RAD23A: variants seen among roughly 807,000 people sequenced by gnomAD.
The protein encoded by RAD23A is RAD23 nucleotide excision repair protein A, also known as lysine-specific demethylase RAD23A.
A neutral mutation model predicts 44.8 loss-of-function variants in RAD23A; 16 were observed. That is an observed-to-expected ratio of 0.36 (90% CI 0.24 to 0.54). The LOEUF (loss-of-function observed/expected upper bound fraction) is 0.54. RAD23A is among the 20% of genes least tolerant of loss of function. RAD23A has a pLI of 0.89. For missense variants in RAD23A, 380 were observed against 483.3 expected (o/e 0.79, Z 2.00); for synonymous variants, 217 against 202.9 (o/e 1.07, Z -0.59).
chr19:12,949,339 T>G lies in RAD23A; in HGVS notation c.744T>G (p.Ile248Met). The G allele has an allele frequency of 1.9e-6, 3 of 1,614,120 alleles. No individual in the cohort carries two copies. Among genetic ancestry groups the G allele is most frequent in the Non-Finnish European group, 2.5e-6 (3 of 1,179,986 alleles). The change falls in exon 7 of 9, where the codon ATT (isoleucine) becomes ATG (methionine). Residue 248 changes from isoleucine to methionine, a missense_variant. Transcript: ENST00000586534. ...AGTTCCAGAACATGCGGCAGGTGATTCAGCAGAACCCTGCGCTGCTGCCCG... is the reference window on the plus strand; with the variant it reads ...AGTTCCAGAACATGCGGCAGGTGATGCAGCAGAACCCTGCGCTGCTGCCCG... Reference protein sequence around the residue: ...QPQFQNMRQVIQQNPALLPAL... With the variant: ...QPQFQNMRQVMQQNPALLPAL...
chr19:12,947,033 C>G (rs1202239454), intron 1 of RAD23A, among the ~76,000 whole-genome samples: 1 of 152,020 alleles, frequency 6.6e-6, no homozygotes, highest in Admixed American at 6.6e-5. Flanking sequence ...AGACCCCGTT[C>G]TCTACAAAAA....
In RAD23A at chr19:12,948,114, C is replaced by G; in HGVS notation, c.235-63C>G. 3.1e-6 allele frequency: 5 copies of G among 1,609,028 alleles called. No homozygotes were observed. Among genetic ancestry groups the G allele is most frequent in the Non-Finnish European group, 4.3e-6 (5 of 1,176,464 alleles). ...AGCTGTGAACAGGGCGGGGCCACAGCGGAGCGGGTTGTTGGGTCTGATAGG... is the reference window on the plus strand; with the variant it reads ...AGCTGTGAACAGGGCGGGGCCACAGGGGAGCGGGTTGTTGGGTCTGATAGG... On this transcript the variant is annotated intron_variant, in intron 2 of 8. Coordinates refer to ENST00000586534, the MANE Select transcript of RAD23A (RefSeq NM_005053.4). The surrounding 1 kb of genome is among the most constrained non-coding windows in gnomAD (Gnocchi z 5.5).
intron 7 of RAD23A, among the ~76,000 whole-genome samples, chr19:12,950,192 C>T (rs1971771198): frequency 6.6e-6 from 1 of 152,070 alleles, no homozygotes; most frequent in Admixed American, 6.5e-5. Flanking sequence ...AACAGACCTC[C>T]CCAGTCCTCC....
At chr19:12,947,694 A>G (rs1188331777) in intron 1 of RAD23A, among the ~76,000 whole-genome samples, 154 bp from the exon 2 acceptor site, 1 of 152,218 alleles carries the variant, frequency 6.6e-6, no homozygotes, top group African/African-American at 2.4e-5. Context: ...TGATTGAATG[A>G]ATTCAAATCT....
At chr19:12,949,216 C>T in intron 6 of RAD23A, 57 bp downstream of exon 6, 1 of 1,614,028 alleles carries the variant, frequency 6.2e-7, no homozygotes, top group Non-Finnish European at 8.5e-7. Context: ...TTACACTCCA[C>T]CCCGCAGTGC....
intron 7 of RAD23A, 120 bp from the exon 8 acceptor site, chr19:12,952,569 C>A: frequency 1.7e-6 from 2 of 1,193,320 alleles, no homozygotes; most frequent in Non-Finnish European, 2.3e-6. Context: ...TTGTGTTTGG[C>A]CAGAACAGGC....
In RAD23A at chr19:12,948,513, G is replaced by C; in HGVS notation, c.433G>C (p.Gly145Arg). 1 of 1,594,396 alleles carries C rather than the reference G, an allele frequency of 6.3e-7. No homozygotes were observed. ...ESVSGSVPSSGSSGREEDAAS... is the reference protein window; with the variant it reads ...ESVSGSVPSSRSSGREEDAAS... ...AATTTGCAGCTCTGTTCCCTCTTCA[G>C]GTAGCAGCGGGCGAGAGGAAGACGC... Residue 145 changes from glycine to arginine, a missense_variant, in exon 4 of 9, where the codon GGT (glycine) becomes CGT (arginine). Around this residue, in one of 3 missense-constraint regions of RAD23A, gnomAD observed 279 missense variants for 313.7 expected, o/e 0.89. Transcript: ENST00000586534. This position sits in a 1 kb window ranked among gnomAD's most constrained non-coding sequence, Gnocchi z 5.5.
At position 12,947,960 on chromosome 19, in the gene RAD23A, G is replaced by T. The variant is rs1484093479; in HGVS notation, c.185G>T (p.Arg62Met). 1.2e-6 allele frequency: 2 copies of T among 1,614,026 alleles called. No individual in the cohort carries two copies. The highest frequency in any genetic ancestry group is 1.7e-6 in the Non-Finnish European group (2 of 1,180,028). Residue 62 changes from arginine to methionine, a missense_variant, in exon 2 of 9, where the codon AGG becomes ATG. By Grantham distance (91) the Arg-to-Met change is moderately conservative. Coordinates refer to ENST00000586534, the MANE Select transcript of RAD23A (RefSeq NM_005053.4). Reference protein sequence around the residue: ...GKILSDDVPIRDYRIDEKNFV... With the variant: ...GKILSDDVPIMDYRIDEKNFV... ...ATCTTGAGTGACGATGTCCCTATCA[G>T]GGACTATCGCATCGATGAGAAGAAC... is the stretch of plus-strand genomic sequence containing the variant.
intron 7 of RAD23A, among the ~76,000 whole-genome samples, chr19:12,951,409 C>T (rs1971807547): frequency 6.6e-6 from 1 of 152,096 alleles, no homozygotes; most frequent in African/African-American, 2.4e-5. Context: ...GCCTCCTCCC[C>T]CTTCCCTTGT....
intron 7 of RAD23A, among the ~76,000 whole-genome samples, chr19:12,949,998 C>T (rs1487909407): frequency 6.6e-6 from 1 of 152,080 alleles, no homozygotes; most frequent in Admixed American, 6.6e-5. Flanking sequence ...TTGCCAGCTC[C>T]TCCTGGTCGG....
Position 12,945,908 on chromosome 19 carries a change from G to C in RAD23A, c.-41G>C, listed in dbSNP as rs368282729. On this transcript the variant is annotated 5_prime_UTR_variant, in exon 1 of 9. Coordinates refer to ENST00000586534, the MANE Select transcript of RAD23A (RefSeq NM_005053.4). ...ATGGCGGCGGCGTGAGTTGCATGTT[G>C]TGTGAGGATCCCGGGGCCGCCGCGT... 1.0e-5 allele frequency: 16 copies of C among 1,599,094 alleles called. No individual in the cohort carries two copies. The highest frequency in any genetic ancestry group is 1.3e-5 in the Non-Finnish European group (15 of 1,171,858).
At position 12,948,648 on chromosome 19, in the gene RAD23A, T is replaced by C. The variant is rs2146034863; in HGVS notation, c.473-38T>C. 1 of 1,598,018 alleles carries C rather than the reference T, an allele frequency of 6.3e-7. No homozygotes were observed. The highest frequency in any genetic ancestry group is 8.5e-7 in the Non-Finnish European group (1 of 1,173,072). On this transcript the variant is annotated intron_variant, in intron 4 of 8. Coordinates refer to ENST00000586534, the MANE Select transcript of RAD23A (RefSeq NM_005053.4). The surrounding 1 kb of genome is among the most constrained non-coding windows in gnomAD (Gnocchi z 5.5). Reference sequence around the variant, plus strand: ...GGAGGGCCTGGGAGCTGCCCTTTCCTCTTCCTGGTGACCTAGGCTTTGCTG... The same window carrying C: ...GGAGGGCCTGGGAGCTGCCCTTTCCCCTTCCTGGTGACCTAGGCTTTGCTG...
chr19:12,945,994 A>G lies in RAD23A; in HGVS notation c.46A>G (p.Lys16Glu). 1.9e-6 allele frequency: 3 copies of G among 1,586,428 alleles called. No individual in the cohort carries two copies. The highest frequency in any genetic ancestry group is 2.6e-6 in the Non-Finnish European group (3 of 1,165,380). Residue 16 changes from lysine (K) to glutamate (E), a missense_variant, in exon 1 of 9, where the codon AAG becomes GAG. By Grantham distance (56) the Lys-to-Glu change is moderately conservative (BLOSUM62 1). This residue lies in a region of RAD23A where 70 missense variants were observed against 106.0 expected (regional missense o/e 0.66). Transcript: ENST00000586534. ...CAAAACGCTGCAGCAGCAGACCTTC[A>G]AGATCCGCATGGAGCCTGACGAGAC... ...TLKTLQQQTF[K>E]IRMEPDETVK... is the part of the protein sequence containing the mutation.
chr19:12,952,182 G>A (rs772898791), intron 7 of RAD23A, among the ~76,000 whole-genome samples: 4 of 151,584 alleles, frequency 2.6e-5, no homozygotes, highest in African/African-American at 7.3e-5. Flanking sequence ...AGTGATTATA[G>A]GTGTGAACCA....
chr19:12,948,436 AC>A lies in RAD23A; in HGVS notation c.417-59del, dbSNP rs1971721704. 6.5e-7 allele frequency: 1 copy of A among 1,548,344 alleles called. No individual in the cohort carries two copies. Among genetic ancestry groups the A allele is most frequent in the South Asian group, 1.2e-5 (1 of 81,206 alleles). On this transcript the variant is annotated intron_variant, in intron 3 of 8. Coordinates refer to ENST00000586534, the MANE Select transcript of RAD23A (RefSeq NM_005053.4). The surrounding 1 kb of genome is among the most constrained non-coding windows in gnomAD (Gnocchi z 5.5). ...AGCGTCCACATAAGTGGTCCCACAC[AC>A]CTGGAGGGAGGGCAAGCCGCCAGAA...
chr19:12,948,634 G>T lies in RAD23A; in HGVS notation c.473-52G>T, dbSNP rs560993089. The T allele has an allele frequency of 6.3e-7, 1 of 1,591,048 alleles. No individual in the cohort carries two copies. The highest frequency in any genetic ancestry group is 1.3e-5 in the African/African-American group (1 of 74,486). Reference sequence around the variant, plus strand: ...CTTGTCTGGGTGCGGGAGGGCCTGGGAGCTGCCCTTTCCTCTTCCTGGTGA... The same window carrying T: ...CTTGTCTGGGTGCGGGAGGGCCTGGTAGCTGCCCTTTCCTCTTCCTGGTGA... On this transcript the variant is annotated intron_variant, in intron 4 of 8. Coordinates refer to ENST00000586534, the MANE Select transcript of RAD23A (RefSeq NM_005053.4). The surrounding 1 kb of genome is among the most constrained non-coding windows in gnomAD (Gnocchi z 5.5).
rs150788485 is a variant in RAD23A, at chr19:12,948,689, C to T, written c.476C>T (p.Thr159Met). Residue 159 changes from threonine (T) to methionine (M), a missense_variant, in exon 5 of 9, where the codon ACG becomes ATG. This residue lies in a region of RAD23A where 279 missense variants were observed against 313.7 expected (regional missense o/e 0.89). Transcript: ENST00000586534. The surrounding 1 kb of genome is among the most constrained non-coding windows in gnomAD (Gnocchi z 5.5). ...REEDAASTLV[T>M]GSEYETMLTE... Reference sequence around the variant, plus strand: ...GGCTTTGCTGCTTCCTCCACAGTGACGGGCTCTGAGTATGAGACGATGCTG... The same window carrying T: ...GGCTTTGCTGCTTCCTCCACAGTGATGGGCTCTGAGTATGAGACGATGCTG... 1.2e-5 allele frequency: 19 copies of T among 1,611,718 alleles called. No individual in the cohort carries two copies. The highest frequency in any genetic ancestry group is 4.0e-5 in the African/African-American group (3 of 74,842).
At chr19:12,952,904 C>G (rs757558256) in intron 8 of RAD23A, 32 bp from the exon 9 acceptor site, 4 of 1,611,834 alleles carry the variant, frequency 2.5e-6, no homozygotes, top group Non-Finnish European at 3.4e-6. Flanking sequence ...CCCCTACCCT[C>G]TCCTGCTCAC....
intron 1 of RAD23A, among the ~76,000 whole-genome samples, chr19:12,946,846 G>T: frequency 6.6e-6 from 1 of 152,094 alleles, no homozygotes; most frequent in Admixed American, 6.5e-5. Flanking sequence ...TTTTTGATCC[G>T]CTCAAGTGTT....
Sources: allele counts gnomAD v4.1 joint callset (sites outside exome capture counted in the v4.1 genomes callset), GRCh38; gene constraint gnomAD v4.1.1; regional missense constraint gnomAD v4.1.1; non-coding constraint Gnocchi (gnomAD v3.1); transcripts MANE v1.5; gene names NCBI Gene and HGNC (gene_info 2026-07-23, HGNC 2026-07-21).